The following IL1R1 variants were observed in gnomAD, a reference collection of about 807,000 sequenced individuals.
IL1R1 encodes the protein interleukin-1 receptor type 1.
A neutral mutation model predicts 50.2 loss-of-function variants in IL1R1; 22 were observed. The ratio of observed to expected loss-of-function variants is 0.44; its 90% CI spans 0.31 to 0.63. IL1R1 has a LOEUF of 0.63. Among genes scored for constraint, IL1R1 ranks in the 20% least tolerant of loss-of-function variants. The probability of loss-of-function intolerance (pLI) is 0.07; values close to 1 mark genes in which losing one functional copy is unlikely to be tolerated. For synonymous variants in IL1R1, 251 were observed against 236.7 expected, an observed-to-expected ratio of 1.06 and a Z score of -0.55; for missense variants, 509 against 676.2, an observed-to-expected ratio of 0.75 and a Z score of 2.74.
intron 1 of IL1R1, among the ~76,000 whole-genome samples, chr2:102,145,465 T>C (rs560153386): frequency 1.3e-5 from 2 of 152,296 alleles, no homozygotes; most frequent in South Asian, 4.1e-4. Context: ...AAGGTCCCAG[T>C]CGCCTGCATG....
At chr2:102,084,103 A>G (rs945310527) in intron 1 of IL1R1, among the ~76,000 whole-genome samples, 1 of 152,114 alleles carries the variant, frequency 6.6e-6, no homozygotes, top group African/African-American at 2.4e-5. Flanking sequence ...CGCAATCTCA[A>G]TTTTCTTGTT....
chr2:102,120,305 A>G (rs149811958), intron 1 of IL1R1, among the ~76,000 whole-genome samples: 24 of 151,896 alleles, frequency 1.6e-4, no homozygotes, highest in African/African-American at 5.6e-4. Context: ...TATGGGTGTT[A>G]TATGTATGGT....
rs1342418012 is a variant in IL1R1, at chr2:102,178,441, T to C, written c.*1682T>C. 1 of 152,208 alleles carries C rather than the reference T, an allele frequency of 6.6e-6. No homozygotes were observed. Among genetic ancestry groups the C allele is most frequent in the African/African-American group, 2.4e-5 (1 of 41,442 alleles). 9.4% of individuals were successfully genotyped at this position (152,208 alleles called of 1,614,324 possible). ...AATTATCTTATTTAATTTTTGCAATTATTCTAATTTTATATATAGAGAAAG... is the reference window on the plus strand; with the variant it reads ...AATTATCTTATTTAATTTTTGCAATCATTCTAATTTTATATATAGAGAAAG... On this transcript the variant is annotated 3_prime_UTR_variant, in exon 12 of 12. Coordinates refer to ENST00000410023, the MANE Select transcript of IL1R1 (RefSeq NM_000877.4).
At chr2:102,168,477 C>A in intron 6 of IL1R1, 121 bp from the exon 7 acceptor site, 1 of 806,168 alleles carries the variant, frequency 1.2e-6, no homozygotes, top group Non-Finnish European at 2.2e-6. Flanking sequence ...GGCATATGTG[C>A]TTTGAACACT....
intron 3 of IL1R1, among the ~76,000 whole-genome samples, chr2:102,158,638 A>G (rs573094114): frequency 2.1e-4 from 32 of 152,224 alleles, no homozygotes; most frequent in Non-Finnish European, 2.4e-4. Context: ...AGATGAGGGA[A>G]GTCATAAGGG....
rs1490044452 is a variant in IL1R1 at position 102,164,856 on chromosome 2, A to G, written c.144A>G (p.Pro48=). ...ATGTTCGTCCCTGTCCTCTTAACCC[A>G]AATGAACACAAAGGCACTATAACTT... ...EIDVRPCPLN[P]NEHKGTITWY... is the part of the protein sequence containing the mutation. Residue 48 remains proline, a synonymous_variant, in exon 4 of 12, where the codon CCA becomes CCG. Coordinates refer to ENST00000410023, the MANE Select transcript of IL1R1 (RefSeq NM_000877.4). 2 of 1,613,998 alleles carry G rather than the reference A, an allele frequency of 1.2e-6. No individual in the cohort carries two copies. Among genetic ancestry groups the G allele is most frequent in the African/African-American group, 2.7e-5 (2 of 74,934 alleles).
At chr2:102,113,396 C>T (rs970688932) in intron 1 of IL1R1, among the ~76,000 whole-genome samples, 2 of 152,226 alleles carry the variant, frequency 1.3e-5, no homozygotes, top group African/African-American at 2.4e-5. Flanking sequence ...CCATGAGTCT[C>T]TTCTTGTCTG....
chr2:102,162,344 A>G (rs1684802735), intron 3 of IL1R1, among the ~76,000 whole-genome samples: 1 of 152,152 alleles, frequency 6.6e-6, no homozygotes, highest in African/African-American at 2.4e-5. Context: ...TTCTTTAGCC[A>G]ATCTGATCAT....
chr2:102,116,864 A>G lies in IL1R1; in HGVS notation c.-84+11992A>G, dbSNP rs549855433. On this transcript the variant is annotated intron_variant, in intron 1 of 10. Coordinates refer to the IL1R1 transcript ENST00000409329. ...TTATGACCTCGTAACATTTTCCTAG[A>G]TAAAATTTGCATGTCTCTAACTTCT... 1.9e-4 allele frequency among the ~76,000 whole-genome samples: 29 copies of G among 152,252 alleles called. 1 individual carries two copies. The South Asian group carries it at 3.1e-3, about 16-fold the overall frequency.
chr2:102,077,468 G>A (rs1186734403), intron 1 of IL1R1, among the ~76,000 whole-genome samples: 2 of 152,076 alleles, frequency 1.3e-5, no homozygotes, highest in African/African-American at 4.8e-5. Context: ...ATCTCAATTA[G>A]TTATTTTACC....
At chr2:102,092,830 A>G (rs2104316451) in intron 1 of IL1R1, among the ~76,000 whole-genome samples, 1 of 152,184 alleles carries the variant, frequency 6.6e-6, no homozygotes, top group Middle Eastern at 3.4e-3. Context: ...CTCTAGTTCC[A>G]TGACTATGAT....
At chr2:102,078,074 A>C (rs1355215257) in intron 1 of IL1R1, among the ~76,000 whole-genome samples, 1 of 152,198 alleles carries the variant, frequency 6.6e-6, no homozygotes. Flanking sequence ...CTAAAGCTAT[A>C]CATAGAGAAA....
intron 1 of IL1R1, among the ~76,000 whole-genome samples, chr2:102,112,590 G>A (rs1010606799): frequency 3.3e-5 from 5 of 152,178 alleles, no homozygotes; most frequent in African/African-American, 1.2e-4. Context: ...CCAATCAGGT[G>A]TAACATGGGA....
intron 3 of IL1R1, among the ~76,000 whole-genome samples, chr2:102,158,191 A>G (rs951224457): frequency 1.3e-5 from 2 of 152,192 alleles, no homozygotes; most frequent in Non-Finnish European, 2.9e-5. Context: ...AAGATACACT[A>G]CTTTTTCTGT....
intron 1 of IL1R1, among the ~76,000 whole-genome samples, chr2:102,085,898 A>G (rs1249844730): frequency 6.6e-6 from 1 of 152,098 alleles, no homozygotes; most frequent in Non-Finnish European, 1.5e-5. Context: ...CAATTTTTAA[A>G]ATTTTTCAGT....
intron 1 of IL1R1, among the ~76,000 whole-genome samples, chr2:102,145,849 T>G (rs1683071565): frequency 6.6e-6 from 1 of 152,182 alleles, no homozygotes; most frequent in African/African-American, 2.4e-5. Flanking sequence ...CACGGGTATT[T>G]TCAAAGCCCC....
intron 1 of IL1R1, among the ~76,000 whole-genome samples, chr2:102,129,206 G>T (rs1410408462): frequency 6.6e-6 from 1 of 151,824 alleles, no homozygotes; most frequent in Non-Finnish European, 1.5e-5. Flanking sequence ...GTGAGACCTT[G>T]TCTCAACAAC....
intron 1 of IL1R1, among the ~76,000 whole-genome samples, chr2:102,116,094 G>A (rs1373022926): frequency 6.6e-6 from 1 of 152,238 alleles, no homozygotes; most frequent in African/African-American, 2.4e-5. Context: ...CATAGTTGCA[G>A]TATCTTCAAC....
intron 1 of IL1R1, among the ~76,000 whole-genome samples, chr2:102,127,037 G>A (rs1681750035): frequency 6.6e-6 from 1 of 152,140 alleles, no homozygotes; most frequent in African/African-American, 2.4e-5. Context: ...TGAACCCTTG[G>A]GTGTGGCCAT....
Sources: allele counts gnomAD v4.1 joint callset (sites outside exome capture counted in the v4.1 genomes callset), GRCh38; gene constraint gnomAD v4.1.1; transcripts MANE v1.5; gene names NCBI Gene and HGNC (gene_info 2026-07-23, HGNC 2026-07-21).